NAV2: variants seen among roughly 807,000 people sequenced by gnomAD.
The protein encoded by NAV2 is helicase, APC down-regulated 1.
A neutral mutation model predicts 223.2 loss-of-function variants in NAV2; 54 were observed. That is an observed-to-expected ratio of 0.24 (90% CI 0.19 to 0.30). The LOEUF (loss-of-function observed/expected upper bound fraction) is 0.30, where lower values mean the gene tolerates loss of function less well. Ranked by LOEUF, NAV2 falls within the 10% of genes least tolerant of loss-of-function variation. The pLI is 1.00. For synonymous variants in NAV2, 1,279 were observed against 1,239.3 expected (o/e 1.03, Z -0.67); for missense variants, 2,806 against 3,147.5 (o/e 0.89, Z 2.60).
intron 1 of NAV2, among the ~76,000 whole-genome samples, chr11:19,732,096 T>C (rs921487801): frequency 6.6e-6 from 1 of 151,842 alleles, no homozygotes; most frequent in Non-Finnish European, 1.5e-5. Context: ...TAAACAAAAA[T>C]ACAAAAATTA....
intron 1 of NAV2, among the ~76,000 whole-genome samples, chr11:19,776,267 C>A (rs147462804): frequency 6.6e-6 from 1 of 152,242 alleles, no homozygotes; most frequent in African/African-American, 2.4e-5. Flanking sequence ...TTGCTGGGGA[C>A]CCCTGGAGGG....
At chr11:19,495,471 G>C (rs911255082) in intron 1 of NAV2, among the ~76,000 whole-genome samples, 1 of 152,184 alleles carries the variant, frequency 6.6e-6, no homozygotes, top group Non-Finnish European at 1.5e-5. Context: ...CAGAGGTGGT[G>C]ACACTGGCTG....
At chr11:19,446,764 G>A (rs1290318875) in intron 1 of NAV2, among the ~76,000 whole-genome samples, 2 of 152,154 alleles carry the variant, frequency 1.3e-5, no homozygotes, top group Non-Finnish European at 2.9e-5. Context: ...TGGGGAGGGA[G>A]AACCAGGTCA....
At chr11:19,458,939 C>G (rs1482298533) in intron 1 of NAV2, among the ~76,000 whole-genome samples, 1 of 152,220 alleles carries the variant, frequency 6.6e-6, no homozygotes, top group African/African-American at 2.4e-5. Context: ...GTTGCAGAGA[C>G]AGCATGAGCC....
chr11:19,768,973 G>A (rs2055472483), intron 1 of NAV2, among the ~76,000 whole-genome samples: 2 of 152,272 alleles, frequency 1.3e-5, no homozygotes, highest in South Asian at 4.2e-4. Context: ...ATAGGTCTAA[G>A]GCCTAGTGTG....
intron 1 of NAV2, among the ~76,000 whole-genome samples, chr11:19,504,664 T>C (rs566433214): frequency 6.6e-6 from 1 of 152,286 alleles, no homozygotes; most frequent in Non-Finnish European, 1.5e-5. Flanking sequence ...TGTTTTCCCC[T>C]TCCAAAGTGC....
intron 1 of NAV2, among the ~76,000 whole-genome samples, chr11:19,786,985 C>T (rs1043024584): frequency 6.6e-6 from 1 of 152,052 alleles, no homozygotes; most frequent in African/African-American, 2.4e-5. Context: ...CCACTGAACT[C>T]CTGCCTGGAC....
chr11:19,715,067 T>C (rs1185994211), intron 1 of NAV2, among the ~76,000 whole-genome samples: 3 of 152,190 alleles, frequency 2.0e-5, no homozygotes, highest in African/African-American at 4.8e-5. Context: ...CACCTTCTCC[T>C]GGAGCTTTCT....
At chr11:19,510,884 G>A (rs184727731) in intron 1 of NAV2, 47 of 152,342 alleles carry the variant, frequency 3.1e-4, no homozygotes, top group African/African-American at 1.1e-3. Context: ...AGGAAGGGGA[G>A]GACTTAGGGT....
Position 20,045,330 on chromosome 11 carries a change from C to T in NAV2, c.3562C>T (p.Leu1188Phe). 1 of 1,614,158 alleles carries T rather than the reference C, an allele frequency of 6.2e-7. No individual in the cohort carries two copies. The highest frequency in any genetic ancestry group is 8.5e-7 in the Non-Finnish European group (1 of 1,180,028). ...TCTAGCCCTAAGCTCCCGGACAAAC[C>T]TTCAGTACCGGAGTTTGCCGAGGCC... The part of the protein sequence containing the change: ...GYLALSSRTN[L>F]QYRSLPRPSK... The change falls in exon 14 of 38, where the codon CTT (leucine) becomes TTT (phenylalanine). Residue 1188 changes from leucine to phenylalanine, a missense_variant. Leu to Phe is a conservative substitution (Grantham distance 22). Coordinates refer to ENST00000349880, the MANE Select transcript of NAV2 (RefSeq NM_145117.5).
chr11:19,525,949 C>G (rs537121630), intron 1 of NAV2, among the ~76,000 whole-genome samples: 1 of 152,090 alleles, frequency 6.6e-6, no homozygotes, highest in African/African-American at 2.4e-5. Flanking sequence ...GCCCAGGTCT[C>G]GGGGACAGGT....
intron 6 of NAV2, among the ~76,000 whole-genome samples, chr11:19,895,505 T>C (rs1332321427): frequency 6.6e-6 from 1 of 152,234 alleles, no homozygotes; most frequent in Non-Finnish European, 1.5e-5. Flanking sequence ...AACTAAGCAC[T>C]GGAATTGTAT....
chr11:20,060,030 A>G (rs1287257033), intron 19 of NAV2, among the ~76,000 whole-genome samples: 1 of 152,254 alleles, frequency 6.6e-6, no homozygotes, highest in East Asian at 1.9e-4. Flanking sequence ...TGCTATTTAC[A>G]AAGTGAGAGG....
intron 1 of NAV2, among the ~76,000 whole-genome samples, chr11:19,550,154 T>A (rs923035548): frequency 6.6e-6 from 1 of 152,214 alleles, no homozygotes; most frequent in Non-Finnish European, 1.5e-5. Flanking sequence ...CTCTGGGACC[T>A]GTTTGAGATA....
intron 1 of NAV2, among the ~76,000 whole-genome samples, chr11:19,433,340 A>T (rs1296386917): frequency 6.6e-6 from 1 of 152,160 alleles, no homozygotes; most frequent in Non-Finnish European, 1.5e-5. Flanking sequence ...AGGATGCTCT[A>T]CCTGGAATTC....
At chr11:19,419,976 G>A (rs1051579259) in intron 1 of NAV2, among the ~76,000 whole-genome samples, 24 of 152,196 alleles carry the variant, frequency 1.6e-4, no homozygotes, top group South Asian at 6.2e-4. Context: ...GTAAATAGCA[G>A]TGGCAGTTCT....
At chr11:19,623,277 C>T (rs1405653102) in intron 1 of NAV2, among the ~76,000 whole-genome samples, 1 of 152,076 alleles carries the variant, frequency 6.6e-6, no homozygotes, top group Non-Finnish European at 1.5e-5. Context: ...ATCTTTGTGG[C>T]ATTCTCTGTA....
At chr11:19,384,807 C>CT (rs1251378048) in intron 1 of NAV2, 1 of 152,182 alleles carries the variant, frequency 6.6e-6, no homozygotes, top group Non-Finnish European at 1.5e-5. Context: ...GGCTGATACA[C>CT]TCGCCATGGA....
rs2062047266 is a variant in NAV2, at chr11:20,106,179, GTGTGTATATATATATATATATATA to G, written c.6841+454_6841+477del. Among the ~76,000 whole-genome samples the G allele has an allele frequency of 2.0e-4, 3 of 14,688 alleles. 1 individual carries two copies. The highest frequency in any genetic ancestry group is 4.3e-4 in the African/African-American group (3 of 7,048). 9.6% of individuals were successfully genotyped at this position (14,688 alleles called of 152,430 possible). A position where few individuals can be genotyped will look rare whatever the true frequency, so the allele number is the denominator to read the frequency against. ...TGTATATATATATATATATATATGT[GTGTGTATATATATATATATATATA>G]TATATATATATATATATATATATAT... On this transcript the variant is annotated intron_variant, in intron 35 of 37. Coordinates refer to ENST00000349880, the MANE Select transcript of NAV2 (RefSeq NM_145117.5).
Sources: allele counts gnomAD v4.1 joint callset (sites outside exome capture counted in the v4.1 genomes callset), GRCh38; gene constraint gnomAD v4.1.1; transcripts MANE v1.5; gene names NCBI Gene and HGNC (gene_info 2026-07-23, HGNC 2026-07-21).